The following POLR1A variants were observed in gnomAD, a reference collection of about 807,000 sequenced individuals.
The protein encoded by POLR1A is DNA-directed RNA polymerase I subunit RPA1.
In POLR1A, 84 loss-of-function variants were observed where a neutral mutation model predicts 205.3. The observed-to-expected ratio is 0.41, with a 90% CI of 0.34 to 0.49. POLR1A has a LOEUF of 0.49. Ranked by LOEUF, POLR1A falls within the 20% of genes least tolerant of loss-of-function variation. The pLI, the probability that POLR1A is intolerant of heterozygous loss-of-function variation, is 0.22. For synonymous variants in POLR1A, 799 were observed against 863.7 expected, an observed-to-expected ratio of 0.93 and a Z score of 1.31; for missense variants, 1,645 against 2,204.5, an observed-to-expected ratio of 0.75 and a Z score of 5.08.
intron 27 of POLR1A, among the ~76,000 whole-genome samples, 181 bp downstream of exon 27, chr2:86,038,519 G>C (rs1672538790): frequency 6.6e-6 from 1 of 152,194 alleles, no homozygotes; most frequent in African/African-American, 2.4e-5. Context: ...CCACAAGCCA[G>C]ACTGTGGTCA....
Position 86,077,921 on chromosome 2 carries a change from C to CA in POLR1A, c.1317_1318insT (p.Ala440CysfsTer42), listed in dbSNP as rs1558779879. The CA allele has an allele frequency of 6.2e-7, 1 of 1,613,810 alleles. No homozygotes were observed. Among genetic ancestry groups the CA allele is most frequent in the South Asian group, 1.1e-5 (1 of 91,068 alleles). ...TCTGGGCAGATGACTGAGCGCGCAG[C>CA]GTAGTCCACTCGCTTTCCCATCATG... On this transcript the variant is annotated frameshift_variant, in exon 11 of 34. Coordinates refer to ENST00000263857, the MANE Select transcript of POLR1A (RefSeq NM_015425.6). LOFTEE classifies it high-confidence loss of function.
chr2:86,043,286 T>A (rs865947660), intron 22 of POLR1A, 91 bp from the exon 23 acceptor site: 11 of 1,061,066 alleles, frequency 1.0e-5, no homozygotes, highest in Middle Eastern at 3.1e-4. Flanking sequence ...GAGCACAAAT[T>A]CAGGGGACCC....
intron 7 of POLR1A, 151 bp from the exon 8 acceptor site, chr2:86,081,857 G>A (rs545166140): frequency 8.2e-6 from 5 of 606,882 alleles, no homozygotes; most frequent in Non-Finnish European, 1.4e-5. Context: ...TTGAGAAAAG[G>A]TCTCACTCCT....
intron 1 of POLR1A, among the ~76,000 whole-genome samples, chr2:86,101,242 T>A (rs943001602): frequency 2.0e-5 from 3 of 152,188 alleles, no homozygotes; most frequent in Non-Finnish European, 4.4e-5. Context: ...TCTGACAGCC[T>A]AGAGGAAATC....
At chr2:86,045,089 G>C (rs894683556) in intron 21 of POLR1A, among the ~76,000 whole-genome samples, 189 bp downstream of exon 21, 8 of 152,312 alleles carry the variant, frequency 5.3e-5, no homozygotes, top group Admixed American at 1.3e-4. Flanking sequence ...ATAAGCCTCT[G>C]AGCTCATGCT....
At chr2:86,061,305 G>A (rs1424128561) in intron 14 of POLR1A, among the ~76,000 whole-genome samples, 1 of 152,182 alleles carries the variant, frequency 6.6e-6, no homozygotes, top group African/African-American at 2.4e-5. Context: ...AAATTTGCTA[G>A]GTGTGGTGGA....
At chr2:86,041,680 G>A (rs1189971407) in intron 24 of POLR1A, among the ~76,000 whole-genome samples, 1 of 152,148 alleles carries the variant, frequency 6.6e-6, no homozygotes, top group Non-Finnish European at 1.5e-5. Context: ...CCCAGATGGG[G>A]GTGTCCACTC....
chr2:86,068,392 G>GGGGGC (rs1553436028), intron 13 of POLR1A, among the ~76,000 whole-genome samples: 1 of 114,888 alleles, frequency 8.7e-6, no homozygotes, highest in African/African-American at 3.4e-5. Context: ...TGGGCGGGGG[G>GGGGGC]GGGGGGCGGG....
intron 14 of POLR1A, among the ~76,000 whole-genome samples, chr2:86,064,938 G>T (rs896777250): frequency 2.6e-5 from 4 of 151,968 alleles, no homozygotes; most frequent in African/African-American, 9.7e-5. Flanking sequence ...CCCACGCCCA[G>T]CTAATTTTGT....
rs1052599263 is a variant in POLR1A, at chr2:86,070,192, G to A, written c.1692C>T (p.His564=). Residue 564 remains histidine, a synonymous_variant, in exon 13 of 34, where the codon CAC becomes CAT. Coordinates refer to ENST00000263857, the MANE Select transcript of POLR1A (RefSeq NM_015425.6). This position sits in a 1 kb window ranked among gnomAD's most constrained non-coding sequence, Gnocchi z 4.4. ...PTLHRPSIQA[H]RARILPEEKV... Reference sequence around the variant, plus strand: ...TCTCTTCAGGCAGGATGCGGGCACGGTGGGCCTGGATGGAGGGTCTGTGCA... The same window carrying A: ...TCTCTTCAGGCAGGATGCGGGCACGATGGGCCTGGATGGAGGGTCTGTGCA... The A allele has an allele frequency of 8.7e-6, 14 of 1,614,234 alleles. No homozygotes were observed. The highest frequency in any genetic ancestry group is 1.1e-5 in the Non-Finnish European group (13 of 1,180,034).
intron 14 of POLR1A, among the ~76,000 whole-genome samples, chr2:86,057,102 T>C (rs1444662161): frequency 6.6e-6 from 1 of 152,210 alleles, no homozygotes; most frequent in East Asian, 1.9e-4. Context: ...GAAAACCTTC[T>C]GGAAATGATT....
intron 14 of POLR1A, among the ~76,000 whole-genome samples, chr2:86,062,716 C>T (rs1182402985): frequency 1.3e-5 from 2 of 151,400 alleles, no homozygotes; most frequent in African/African-American, 2.4e-5. Context: ...TTCAAATCAA[C>T]GAAACAGAAA....
At chr2:86,060,218 C>T (rs1038773765) in intron 14 of POLR1A, among the ~76,000 whole-genome samples, 3 of 152,118 alleles carry the variant, frequency 2.0e-5, no homozygotes, top group African/African-American at 4.8e-5. Context: ...AGTGTAAATA[C>T]GTTGATTCTC....
At chr2:86,075,821 A>C (rs919039566) in intron 11 of POLR1A, among the ~76,000 whole-genome samples, 1 of 152,172 alleles carries the variant, frequency 6.6e-6, no homozygotes, top group East Asian at 1.9e-4. Flanking sequence ...TTTTTCACCC[A>C]GTCTAAAACT....
chr2:86,080,713 A>G, intron 9 of POLR1A, 103 bp downstream of exon 9: 7 of 1,156,708 alleles, frequency 6.1e-6, no homozygotes, highest in Non-Finnish European at 8.4e-6. Flanking sequence ...GCTGCACAGA[A>G]CATCCCAGGA....
chr2:86,088,735 G>C (rs762226174), intron 5 of POLR1A, 50 bp downstream of exon 5: 2 of 1,591,228 alleles, frequency 1.3e-6, no homozygotes, highest in Admixed American at 3.3e-5. Context: ...TAATAGCAAT[G>C]AGTGACTGCC....
chr2:86,075,032 T>C lies in POLR1A; in HGVS notation c.1609A>G (p.Ile537Val), dbSNP rs760294613. Residue 537 changes from isoleucine (I) to valine (V), a missense_variant and splice_region_variant, in exon 12 of 34, where the codon ATT (isoleucine) becomes GTT (valine). Around this residue, in one of 16 missense-constraint regions of POLR1A, gnomAD observed 131 missense variants for 214.5 expected, o/e 0.61. Coordinates refer to ENST00000263857, the MANE Select transcript of POLR1A (RefSeq NM_015425.6). Reference sequence around the variant, plus strand: ...TGACCAAAGCTGCCCTTACTCACAATTTTTGTCCCCTGGGGCTTAGGTGCC... The same window carrying C: ...TGACCAAAGCTGCCCTTACTCACAACTTTTGTCCCCTGGGGCTTAGGTGCC... ...TGAPKPQGTK[I>V]VCRHVKNGDI... 39 of 1,604,372 alleles carry C rather than the reference T, an allele frequency of 2.4e-5. No individual in the cohort carries two copies. The highest frequency in any genetic ancestry group is 3.2e-5 in the Non-Finnish European group (38 of 1,175,666).
rs376460980 is a variant in POLR1A at position 86,060,696 on chromosome 2, A to C, written c.2058+4578T>G. Among the ~76,000 whole-genome samples the C allele has an allele frequency of 8.7e-4, 133 of 152,318 alleles. 1 individual carries two copies. The highest frequency in any genetic ancestry group is 3.1e-3 in the African/African-American group (128 of 41,568). On this transcript the variant is annotated intron_variant, in intron 14 of 33. Transcript: ENST00000263857. The stretch of plus-strand genomic sequence containing the variant: ...ACATCCACAAAAATCATCCCTAGGC[A>C]GATAGCAGACCCAAGTGTGAAAGGT...
At position 86,028,039 on chromosome 2, in the gene POLR1A, G is replaced by T; in HGVS notation, c.4908C>A (p.Val1636=). 1 of 1,614,122 alleles carries T rather than the reference G, an allele frequency of 6.2e-7. No individual in the cohort carries two copies. Among genetic ancestry groups the T allele is most frequent in the South Asian group, 1.1e-5 (1 of 91,060 alleles). ...KDVFAVYGIA[V]DPRHLSLVAD... is the part of the protein sequence containing the mutation. ...CAACCAGGGAGAGATGGCGAGGGTC[G>T]ACCGCGATGCCTGTCAAACGGGAGG... is the stretch of plus-strand genomic sequence containing the variant. The change falls in exon 33 of 34, where the codon GTC becomes GTA. Residue 1636 remains valine (V), a synonymous_variant. Coordinates refer to ENST00000263857, the MANE Select transcript of POLR1A (RefSeq NM_015425.6). This position sits in a 1 kb window ranked among gnomAD's most constrained non-coding sequence, Gnocchi z 4.5.
Sources: gnomAD v4.1 joint callset for allele counts (sites outside exome capture counted in the v4.1 genomes callset) on GRCh38, gnomAD v4.1.1 for gene constraint, gnomAD v4.1.1 regional missense constraint, Gnocchi (gnomAD v3.1) non-coding constraint, MANE v1.5 for transcripts, NCBI Gene and HGNC (gene_info 2026-07-23, HGNC 2026-07-21) for gene names.